CHRNB2: variants seen among roughly 807,000 people sequenced by gnomAD.
CHRNB2 encodes the protein cholinergic receptor nicotinic beta 2 subunit.
A neutral mutation model predicts 42.7 loss-of-function variants in CHRNB2; 33 were observed. That is an observed-to-expected ratio of 0.77 (90% CI 0.59 to 1.03). CHRNB2 has a LOEUF of 1.03. CHRNB2 is among the 50% of genes least tolerant of loss of function. CHRNB2 has a pLI of 0.00. For missense variants in CHRNB2, 603 were observed against 700.9 expected, an observed-to-expected ratio of 0.86 and a Z score of 1.58; for synonymous variants, 325 against 292.9, an observed-to-expected ratio of 1.11 and a Z score of -1.12.
chr1:154,568,151 C>G, intron 1 of CHRNB2, 43 bp downstream of exon 1: 1 of 1,567,872 alleles, frequency 6.4e-7, no homozygotes, highest in African/African-American at 1.4e-5. Flanking sequence ...CTACCCCAGC[C>G]AACGGCCCAA....
In CHRNB2 at chr1:154,576,012, G is replaced by C. The variant is rs934647359; in HGVS notation, c.*80G>C. ...TGTTGGGTGGAGGATGGACGAGTGA[G>C]CTACCAGGAAGAGGGGCGCTGCCCC... On this transcript the variant is annotated 3_prime_UTR_variant, in exon 6 of 6. Coordinates refer to ENST00000368476, the MANE Select transcript of CHRNB2 (RefSeq NM_000748.3). 6.3e-7 allele frequency: 1 copy of C among 1,574,886 alleles called. No individual in the cohort carries two copies. The highest frequency in any genetic ancestry group is 8.7e-7 in the Non-Finnish European group (1 of 1,149,638).
chr1:154,575,520 G>A (rs1330576653), intron 5 of CHRNB2, among the ~76,000 whole-genome samples: 2 of 152,174 alleles, frequency 1.3e-5, no homozygotes, highest in Non-Finnish European at 2.9e-5. Flanking sequence ...GGAGGAGGAG[G>A]AGATAGGCTC....
In CHRNB2 at chr1:154,571,895, C is replaced by T. The variant is rs1462453336; in HGVS notation, c.1072C>T (p.Arg358Cys). Residue 358 changes from arginine (R) to cysteine (C), a missense_variant, in exon 5 of 6, where the codon CGT (arginine) becomes TGT (cysteine). By Grantham distance (180) the Arg-to-Cys change is radical. This residue lies in a region of CHRNB2 where 270 missense variants were observed against 248.3 expected (regional missense o/e 1.09). Coordinates refer to ENST00000368476, the MANE Select transcript of CHRNB2 (RefSeq NM_000748.3). This position sits in a 1 kb window ranked among gnomAD's most constrained non-coding sequence, Gnocchi z 6.8. ...FMQQPRHHCA[R>C]QRLRLRRRQR... Reference sequence around the variant, plus strand: ...GCAGCAGCCACGCCATCATTGCGCCCGTCAGCGCCTGCGCCTGCGGCGACG... The same window carrying T: ...GCAGCAGCCACGCCATCATTGCGCCTGTCAGCGCCTGCGCCTGCGGCGACG... 2.5e-6 allele frequency: 4 copies of T among 1,587,828 alleles called. No homozygotes were observed. The highest frequency in any genetic ancestry group is 2.3e-5 in the East Asian group (1 of 43,526).
intron 5 of CHRNB2, 75 bp downstream of exon 5, chr1:154,572,236 C>A: frequency 6.5e-7 from 1 of 1,530,352 alleles, no homozygotes; most frequent in Non-Finnish European, 8.7e-7. Context: ...AAAGCAGCGG[C>A]GTTCTATAGA....
chr1:154,579,105 C>T lies in CHRNB2; in HGVS notation c.*3173C>T, dbSNP rs201186494. On this transcript the variant is annotated 3_prime_UTR_variant, in exon 6 of 6. Coordinates refer to ENST00000368476, the MANE Select transcript of CHRNB2 (RefSeq NM_000748.3). ...TTTAAAAGCAAACAAGACACAGCAGCCCCCAGGTGGTGTGTTCTACTGAGG... is the reference window on the plus strand; with the variant it reads ...TTTAAAAGCAAACAAGACACAGCAGTCCCCAGGTGGTGTGTTCTACTGAGG... 3 of 152,132 alleles carry T rather than the reference C, an allele frequency of 2.0e-5. No individual in the cohort carries two copies. Among genetic ancestry groups the T allele is most frequent in the Non-Finnish European group, 4.4e-5 (3 of 68,026 alleles). 9.4% of individuals were successfully genotyped at this position (152,132 alleles called of 1,614,324 possible).
rs1285189675 is a variant in CHRNB2, at chr1:154,578,175, C to T, written c.*2243C>T. ...AGAAACAGCAACAGGAAAGGAGCCT[C>T]CCTCTGAAGGGTAGGATGCCGGCCT... On this transcript the variant is annotated 3_prime_UTR_variant, in exon 6 of 6. Coordinates refer to ENST00000368476, the MANE Select transcript of CHRNB2 (RefSeq NM_000748.3). 1 of 152,340 alleles carries T rather than the reference C, an allele frequency of 6.6e-6. No homozygotes were observed. Among genetic ancestry groups the T allele is most frequent in the Non-Finnish European group, 1.5e-5 (1 of 68,116 alleles). The allele number at this position is 152,340 out of a possible 1,614,324, so 9.4% of individuals were successfully genotyped here.
At position 154,568,052 on chromosome 1, in the gene CHRNB2, G is replaced by C. The variant is rs1005369144; in HGVS notation, c.8G>C (p.Arg3Pro). MA[R>P]RCGPVALLLG... ...GCGAGCTATGCCCGCGGCATGGCCC[G>C]GCGCTGCGGCCCCGTGGCGCTGCTC... is the stretch of plus-strand genomic sequence containing the variant. The change falls in exon 1 of 6, where the codon CGG (arginine) becomes CCG (proline). Residue 3 changes from arginine to proline, a missense_variant. Arg to Pro is a moderately radical substitution (Grantham distance 103). Around this residue, in one of 2 missense-constraint regions of CHRNB2, gnomAD observed 333 missense variants for 452.6 expected, o/e 0.74. Transcript: ENST00000368476. 1.3e-6 allele frequency: 2 copies of C among 1,597,526 alleles called. No individual in the cohort carries two copies. Among genetic ancestry groups the C allele is most frequent in the Non-Finnish European group, 1.7e-6 (2 of 1,174,072 alleles).
chr1:154,570,476 A>G, intron 4 of CHRNB2, 109 bp downstream of exon 4: 1 of 731,878 alleles, frequency 1.4e-6, no homozygotes, highest in Non-Finnish European at 2.4e-6. Context: ...AGGGACTTAT[A>G]ATAGATATGT....
intron 5 of CHRNB2, 69 bp downstream of exon 5, chr1:154,572,230 CA>C: frequency 6.5e-7 from 1 of 1,531,480 alleles, no homozygotes; most frequent in Non-Finnish European, 8.7e-7. Flanking sequence ...ATCTGGAAAG[CA>C]GCGGCGTTCT....
rs927866193 is a variant in CHRNB2 at position 154,578,423 on chromosome 1, C to G, written c.*2491C>G. 2 of 152,212 alleles carry G rather than the reference C, an allele frequency of 1.3e-5. No individual in the cohort carries two copies. Among genetic ancestry groups the G allele is most frequent in the African/African-American group, 4.8e-5 (2 of 41,428 alleles). 9.4% of individuals were successfully genotyped at this position (152,212 alleles called of 1,614,324 possible). A position where few individuals can be genotyped will look rare whatever the true frequency, so the allele number is the denominator to read the frequency against. The stretch of plus-strand genomic sequence containing the variant: ...GCCTAGAGCTTGTCTGCTGTTTGAC[C>G]TCTTTTAAGACCCGGCTGTGCTGCA... On this transcript the variant is annotated 3_prime_UTR_variant, in exon 6 of 6. Coordinates refer to ENST00000368476, the MANE Select transcript of CHRNB2 (RefSeq NM_000748.3).
At position 154,571,742 on chromosome 1, in the gene CHRNB2, C is replaced by A. The variant is rs200720061; in HGVS notation, c.919C>A (p.Leu307Ile). 1.2e-5 allele frequency: 19 copies of A among 1,614,124 alleles called. No individual in the cohort carries two copies. Among genetic ancestry groups the A allele is most frequent in the Non-Finnish European group, 1.5e-5 (18 of 1,180,050 alleles). The change falls in exon 5 of 6, where the codon CTT becomes ATT. Residue 307 changes from leucine (L) to isoleucine (I), a missense_variant. Around this residue, in one of 2 missense-constraint regions of CHRNB2, gnomAD observed 333 missense variants for 452.6 expected, o/e 0.74. Coordinates refer to ENST00000368476, the MANE Select transcript of CHRNB2 (RefSeq NM_000748.3). The surrounding 1 kb of genome is among the most constrained non-coding windows in gnomAD (Gnocchi z 6.8). ...CAAGTACCTCATGTTCACCATGGTG[C>A]TTGTCACCTTCTCCATCGTCACCAG... ...VGKYLMFTMVLVTFSIVTSVC... is the reference protein window; with the variant it reads ...VGKYLMFTMVIVTFSIVTSVC...
chr1:154,571,459 C>T lies in CHRNB2; in HGVS notation c.636C>T (p.Arg212=). 6.2e-7 allele frequency: 1 copy of T among 1,614,100 alleles called. No homozygotes were observed. Residue 212 remains arginine, a synonymous_variant, in exon 5 of 6, where the codon CGC becomes CGT. Transcript: ENST00000368476. This position sits in a 1 kb window ranked among gnomAD's most constrained non-coding sequence, Gnocchi z 6.8. ...ACATCGTGGCGCTGCCGGGCCGGCG[C>T]AACGAGAACCCCGACGACTCTACGT... ...EWDIVALPGR[R]NENPDDSTYV... is the part of the protein sequence containing the mutation.
At position 154,575,841 on chromosome 1, in the gene CHRNB2, G is replaced by A; in HGVS notation, c.1418G>A (p.Gly473Asp). The A allele has an allele frequency of 6.2e-7, 1 of 1,614,058 alleles. No homozygotes were observed. The highest frequency in any genetic ancestry group is 8.5e-7 in the Non-Finnish European group (1 of 1,180,012). The change falls in exon 6 of 6, where the codon GGC becomes GAC. Residue 473 changes from glycine to aspartate, a missense_variant. By Grantham distance (94) the Gly-to-Asp change is moderately conservative (BLOSUM62 -1). Coordinates refer to ENST00000368476, the MANE Select transcript of CHRNB2 (RefSeq NM_000748.3). ...ATCTTTGTCTTTGTCTGTGTCTTTG[G>A]CACCATCGGCATGTTCCTGCAGCCT... ...LWIFVFVCVFGTIGMFLQPLF... is the reference protein window; with the variant it reads ...LWIFVFVCVFDTIGMFLQPLF...
Position 154,576,963 on chromosome 1 carries a change from G to A in CHRNB2, c.*1031G>A, listed in dbSNP as rs2101529437. 1 of 152,360 alleles carries A rather than the reference G, an allele frequency of 6.6e-6. No individual in the cohort carries two copies. Among genetic ancestry groups the A allele is most frequent in the South Asian group, 2.1e-4 (1 of 4,822 alleles). The allele number at this position is 152,360 out of a possible 1,614,324, so 9.4% of individuals were successfully genotyped here. A position where few individuals can be genotyped will look rare whatever the true frequency, so the allele number is the denominator to read the frequency against. On this transcript the variant is annotated 3_prime_UTR_variant, in exon 6 of 6. Coordinates refer to ENST00000368476, the MANE Select transcript of CHRNB2 (RefSeq NM_000748.3). Reference sequence around the variant, plus strand: ...TGGTTACTCTAAGGAAGTGAACTGAGGATGTTAGCTTTAAGCCAACCCAGC... The same window carrying A: ...TGGTTACTCTAAGGAAGTGAACTGAAGATGTTAGCTTTAAGCCAACCCAGC...
In CHRNB2 at chr1:154,572,120, T is replaced by A; in HGVS notation, c.1297T>A (p.Phe433Ile). ...CCGGGAGGCGGTGGACGGCGTGCGCTTCATCGCAGACCACATGCGGAGCGA... is the reference window on the plus strand; with the variant it reads ...CCGGGAGGCGGTGGACGGCGTGCGCATCATCGCAGACCACATGCGGAGCGA... ...GLREAVDGVR[F>I]IADHMRSEDD... Residue 433 changes from phenylalanine to isoleucine, a missense_variant, in exon 5 of 6, where the codon TTC becomes ATC. Physicochemically the swap from Phe to Ile is conservative, Grantham distance 21. Transcript: ENST00000368476. 6.5e-7 allele frequency: 1 copy of A among 1,537,618 alleles called. No individual in the cohort carries two copies. The highest frequency in any genetic ancestry group is 2.0e-5 in the Admixed American group (1 of 50,988).
At chr1:154,575,393 T>C (rs925616711) in intron 5 of CHRNB2, among the ~76,000 whole-genome samples, 3 of 152,116 alleles carry the variant, frequency 2.0e-5, no homozygotes, top group Admixed American at 1.3e-4. Flanking sequence ...TTGAAAGATA[T>C]GTAGGAGTGC....
At chr1:154,573,176 G>T (rs545379956) in intron 5 of CHRNB2, among the ~76,000 whole-genome samples, 1 of 152,200 alleles carries the variant, frequency 6.6e-6, no homozygotes, top group Non-Finnish European at 1.5e-5. Context: ...AGGAGATGGG[G>T]TGGGAACCTT....
At position 154,567,930 on chromosome 1, in the gene CHRNB2, G is replaced by A; in HGVS notation, c.-115G>A. 1 of 1,006,874 alleles carries A rather than the reference G, an allele frequency of 9.9e-7. No homozygotes were observed. Among genetic ancestry groups the A allele is most frequent in the Non-Finnish European group, 1.3e-6 (1 of 744,678 alleles). The allele number at this position is 1,006,874 out of a possible 1,614,324, so 62.4% of individuals were successfully genotyped here. A position where few individuals can be genotyped will look rare whatever the true frequency, so the allele number is the denominator to read the frequency against. ...CCACCGCGGCGGCCGGCACCACCTG[G>A]ACCCAGCTCCAGGCGGGCGCGGCTT... On this transcript the variant is annotated 5_prime_UTR_variant, in exon 1 of 6. Transcript: ENST00000368476.
Position 154,571,064 on chromosome 1 carries a change from T to C in CHRNB2, c.366-125T>C, listed in dbSNP as rs1571021534. 5 of 1,582,870 alleles carry C rather than the reference T, an allele frequency of 3.2e-6. No individual in the cohort carries two copies. The highest frequency in any genetic ancestry group is 4.3e-6 in the Non-Finnish European group (5 of 1,163,630). On this transcript the variant is annotated intron_variant, in intron 4 of 5. Coordinates refer to ENST00000368476, the MANE Select transcript of CHRNB2 (RefSeq NM_000748.3). The surrounding 1 kb of genome is among the most constrained non-coding windows in gnomAD (Gnocchi z 6.8). ...TCTCTATACTCCTGGATGGTTACTC[T>C]CAGATCTGGGTGTCCCCTCCCCATG... is the stretch of plus-strand genomic sequence containing the variant.
Sources: gnomAD v4.1 joint callset for allele counts (sites outside exome capture counted in the v4.1 genomes callset) on GRCh38, gnomAD v4.1.1 for gene constraint, gnomAD v4.1.1 regional missense constraint, Gnocchi (gnomAD v3.1) non-coding constraint, MANE v1.5 for transcripts, NCBI Gene and HGNC (gene_info 2026-07-23, HGNC 2026-07-21) for gene names.